The following MAP3K9 variants were observed in gnomAD, a reference collection of about 807,000 sequenced individuals.
MAP3K9 encodes the protein mixed lineage kinase 1 (tyr and ser/thr specificity).
A neutral mutation model predicts 95.8 loss-of-function variants in MAP3K9; 46 were observed. The observed-to-expected ratio is 0.48, with a 90% CI of 0.38 to 0.61. The LOEUF (loss-of-function observed/expected upper bound fraction) is 0.61. MAP3K9 is among the 20% of genes least tolerant of loss of function. The pLI, the probability that MAP3K9 is intolerant of heterozygous loss-of-function variation, is 0.00. For missense variants in MAP3K9, 1,296 were observed against 1,474.3 expected (o/e 0.88, Z 1.98); for synonymous variants, 533 against 593.8 (o/e 0.90, Z 1.49).
Position 70,809,385 on chromosome 14 carries a change from G to T in MAP3K9, c.-214C>A. On this transcript the variant is annotated 5_prime_UTR_variant, in exon 1 of 12. Coordinates refer to ENST00000554752, the MANE Select transcript of MAP3K9 (RefSeq NM_001284230.2). ...AGCGCGAGCTCTTCGCGCAGCCTAG[G>T]GGCGCAGCGGGCCGAGTCCCCGCCT... 1 of 507,248 alleles carries T rather than the reference G, an allele frequency of 2.0e-6. No homozygotes were observed. Among genetic ancestry groups the T allele is most frequent in the Non-Finnish European group, 3.0e-6 (1 of 331,072 alleles). 31.4% of individuals were successfully genotyped at this position (507,248 alleles called of 1,614,324 possible).
chr14:70,777,542 C>T (rs2054615989), intron 2 of MAP3K9, among the ~76,000 whole-genome samples: 1 of 152,180 alleles, frequency 6.6e-6, no homozygotes, highest in African/African-American at 2.4e-5. Context: ...GGTCTCCTTG[C>T]TCCATCACAT....
intron 2 of MAP3K9, among the ~76,000 whole-genome samples, chr14:70,788,783 T>C (rs2054775514): frequency 1.3e-5 from 2 of 152,190 alleles, no homozygotes; most frequent in Non-Finnish European, 2.9e-5. Flanking sequence ...AGAGTAGCTG[T>C]AGGAAACAAA....
At chr14:70,733,623 T>C in intron 10 of MAP3K9, 1 of 671,076 alleles carries the variant, frequency 1.5e-6, no homozygotes, top group Non-Finnish European at 2.8e-6. Flanking sequence ...TCTGTGATAG[T>C]GACTTGGGTA....
intron 1 of MAP3K9, among the ~76,000 whole-genome samples, chr14:70,803,498 TC>T (rs1418615616): frequency 6.6e-6 from 1 of 151,980 alleles, no homozygotes; most frequent in African/African-American, 2.4e-5. Flanking sequence ...TGCTGACTAT[TC>T]CCTTCCTTAC....
At chr14:70,752,496 A>T (rs140197126) in intron 3 of MAP3K9, among the ~76,000 whole-genome samples, 1 of 152,224 alleles carries the variant, frequency 6.6e-6, no homozygotes, top group East Asian at 1.9e-4. Flanking sequence ...ACTTCCTGAC[A>T]AACCTTTCAT....
At chr14:70,746,462 C>T (rs2054148338) in intron 5 of MAP3K9, among the ~76,000 whole-genome samples, 1 of 152,220 alleles carries the variant, frequency 6.6e-6, no homozygotes, top group South Asian at 2.1e-4. Context: ...AGAAGAATCT[C>T]TCCAGAGAGA....
Position 70,748,972 on chromosome 14 carries a change from A to T in MAP3K9, c.1183T>A (p.Ser395Thr). The change falls in exon 5 of 12, where the codon TCT (serine) becomes ACT (threonine). Residue 395 changes from serine to threonine, a missense_variant. Ser to Thr is a moderately conservative substitution (Grantham distance 58, BLOSUM62 1). This residue lies in a region of MAP3K9 where 136 missense variants were observed against 221.5 expected (regional missense o/e 0.61). Coordinates refer to ENST00000554752, the MANE Select transcript of MAP3K9 (RefSeq NM_001284230.2). ...AGCTGGTCCAGGATATTCGTGAAAG[A>T]TGGTCGTGAGTGGGGATCAGGATTC... ...CWNPDPHSRP[S>T]FTNILDQLTT... 1 of 1,613,968 alleles carries T rather than the reference A, an allele frequency of 6.2e-7. No homozygotes were observed. Among genetic ancestry groups the T allele is most frequent in the Non-Finnish European group, 8.5e-7 (1 of 1,179,962 alleles).
chr14:70,801,161 T>G, intron 1 of MAP3K9, 81 bp from the exon 2 acceptor site: 4 of 1,353,362 alleles, frequency 3.0e-6, no homozygotes, highest in Non-Finnish European at 4.0e-6. Context: ...CCTGAGTGGG[T>G]AAACACGGCA....
intron 2 of MAP3K9, among the ~76,000 whole-genome samples, chr14:70,783,785 C>A (rs927224787): frequency 6.6e-6 from 1 of 152,006 alleles, no homozygotes; most frequent in Non-Finnish European, 1.5e-5. Flanking sequence ...CAAAGAAACA[C>A]CCCAGAAAGG....
In MAP3K9 at chr14:70,722,671, C is replaced by T. The variant is rs2053768604; in HGVS notation, c.*7709G>A. 6.8e-6 allele frequency: 1 copy of T among 146,828 alleles called. No homozygotes were observed. 9.1% of individuals were successfully genotyped at this position (146,828 alleles called of 1,614,324 possible). On this transcript the variant is annotated 3_prime_UTR_variant, in exon 12 of 12. Coordinates refer to ENST00000554752, the MANE Select transcript of MAP3K9 (RefSeq NM_001284230.2). ...CCCTAGTTAACAATTTACAGTACCT[C>T]GAAAGAAAAAAAAAAAAAAGCCAAA...
chr14:70,763,534 CTT>C (rs10709958), intron 2 of MAP3K9, among the ~76,000 whole-genome samples: 68 of 146,364 alleles, frequency 4.6e-4, no homozygotes, highest in Admixed American at 5.4e-4. Context: ...TATGTATTTA[CTT>C]TTTTTTTTTT....
chr14:70,789,039 A>G (rs1283287720), intron 2 of MAP3K9, among the ~76,000 whole-genome samples: 2 of 152,196 alleles, frequency 1.3e-5, no homozygotes, highest in Non-Finnish European at 1.5e-5. Flanking sequence ...AAGCATTTTA[A>G]TTATCAACTG....
intron 2 of MAP3K9, among the ~76,000 whole-genome samples, chr14:70,774,898 C>A (rs2054575573): frequency 7.6e-6 from 1 of 131,784 alleles, no homozygotes; most frequent in Non-Finnish European, 1.5e-5. Context: ...GGAAGAGAAT[C>A]ACTTGAATCT....
intron 1 of MAP3K9, among the ~76,000 whole-genome samples, chr14:70,808,432 G>A (rs541191917): frequency 6.7e-6 from 1 of 149,902 alleles, no homozygotes; most frequent in African/African-American, 2.5e-5. Flanking sequence ...TTGGGAATGG[G>A]GGGCGGCGGG....
In MAP3K9 at chr14:70,730,521, C is replaced by A; in HGVS notation, c.3174G>T (p.Gly1058=). 3 of 1,613,956 alleles carry A rather than the reference C, an allele frequency of 1.9e-6. No individual in the cohort carries two copies. The highest frequency in any genetic ancestry group is 2.5e-6 in the Non-Finnish European group (3 of 1,180,030). The change falls in exon 12 of 12, where the codon GGG becomes GGT. Residue 1058 remains glycine (G), a synonymous_variant. Transcript: ENST00000554752. ...GCGTCCGCTCAGTCGGGGGCAGCGG[C>A]CCTGCCTGGAACGGGAGCAGGGCTG... The part of the protein sequence containing the change: ...GLPALLPFQA[G]PLPPTERTLL...
At chr14:70,783,855 G>A (rs2054713144) in intron 2 of MAP3K9, among the ~76,000 whole-genome samples, 1 of 152,074 alleles carries the variant, frequency 6.6e-6, no homozygotes, top group African/African-American at 2.4e-5. Context: ...AACCACACAG[G>A]GCTCTGCAAT....
chr14:70,760,869 ACT>A (rs2054364222), intron 3 of MAP3K9, 131 bp downstream of exon 3: 1 of 843,750 alleles, frequency 1.2e-6, no homozygotes, highest in Non-Finnish European at 1.9e-6. Context: ...GGCATAGATG[ACT>A]CTTGGGGGAG....
In MAP3K9 at chr14:70,726,376, A is replaced by G. The variant is rs1311865455; in HGVS notation, c.*4004T>C. 5 of 152,252 alleles carry G rather than the reference A, an allele frequency of 3.3e-5. No homozygotes were observed. Among genetic ancestry groups the G allele is most frequent in the Non-Finnish European group, 5.9e-5 (4 of 68,048 alleles). 9.4% of individuals were successfully genotyped at this position (152,252 alleles called of 1,614,324 possible). A position where few individuals can be genotyped will look rare whatever the true frequency, so the allele number is the denominator to read the frequency against. ...AGAACAAGGGGACCCTTTTCCAAAGATTCTTCCAGGAACTGGGATGATCCC... is the reference window on the plus strand; with the variant it reads ...AGAACAAGGGGACCCTTTTCCAAAGGTTCTTCCAGGAACTGGGATGATCCC... On this transcript the variant is annotated 3_prime_UTR_variant, in exon 12 of 12. Transcript: ENST00000554752.
intron 7 of MAP3K9, 55 bp from the exon 8 acceptor site, chr14:70,738,453 C>T (rs1343113340): frequency 5.9e-6 from 9 of 1,533,636 alleles, no homozygotes; most frequent in Admixed American, 3.4e-5. Flanking sequence ...AGGGCTCCCC[C>T]AAACTAGCCT....
Sources: allele counts gnomAD v4.1 joint callset (sites outside exome capture counted in the v4.1 genomes callset), GRCh38; gene constraint gnomAD v4.1.1; regional missense constraint gnomAD v4.1.1; transcripts MANE v1.5; gene names NCBI Gene and HGNC (gene_info 2026-07-23, HGNC 2026-07-21).